Variants in RALGPS1 observed in about 807,000 individuals in gnomAD.
RALGPS1 encodes the protein Ral GEF with PH domain and SH3 binding motif 1.
Under a neutral mutation model 78.8 loss-of-function variants are expected in RALGPS1, and 19 were observed. The ratio of observed to expected loss-of-function variants is 0.24; its 90% confidence interval spans 0.17 to 0.35. RALGPS1 has a LOEUF of 0.35. Ranked by LOEUF, RALGPS1 falls within the 10% of genes least tolerant of loss-of-function variation. RALGPS1 has a pLI of 1.00. For synonymous variants in RALGPS1, 228 were observed against 256.3 expected, an observed-to-expected ratio of 0.89 and a Z score of 1.06; for missense variants, 454 against 688.3, an observed-to-expected ratio of 0.66 and a Z score of 3.81.
intron 8 of RALGPS1, among the ~76,000 whole-genome samples, chr9:127,123,727 A>G (rs1347305007): frequency 2.0e-5 from 3 of 152,160 alleles, no homozygotes; most frequent in Non-Finnish European, 2.9e-5. Flanking sequence ...ACTGGACCCC[A>G]TGATGCAAGC....
At chr9:127,031,281 C>T (rs2046412283) in intron 4 of RALGPS1, among the ~76,000 whole-genome samples, 1 of 152,214 alleles carries the variant, frequency 6.6e-6, no homozygotes, top group African/African-American at 2.4e-5. Context: ...TCACATTTTC[C>T]TAAACCCACT....
At chr9:126,936,982 C>T (rs1450511079) in intron 1 of RALGPS1, among the ~76,000 whole-genome samples, 2 of 152,052 alleles carry the variant, frequency 1.3e-5, no homozygotes, top group South Asian at 2.1e-4. Flanking sequence ...TCCCGAGTAG[C>T]TGGGATTACA....
intron 7 of RALGPS1, among the ~76,000 whole-genome samples, chr9:127,066,109 A>G (rs907765127): frequency 6.6e-6 from 1 of 152,190 alleles, no homozygotes; most frequent in Non-Finnish European, 1.5e-5. Flanking sequence ...CCATACAGGC[A>G]CTTGACAGGC....
At chr9:126,994,076 G>A (rs190861580) in intron 4 of RALGPS1, among the ~76,000 whole-genome samples, 3,519 of 151,582 alleles carry the variant, frequency 0.023, 139 homozygotes, top group African/African-American at 0.082. Context: ...ACAAAGATGG[G>A]AAAAAAAACA....
intron 8 of RALGPS1, among the ~76,000 whole-genome samples, chr9:127,143,457 A>G (rs762572350): frequency 3.3e-5 from 5 of 152,160 alleles, no homozygotes; most frequent in Non-Finnish European, 7.3e-5. Context: ...TGCTCTGCCC[A>G]GAGCTCCTAT....
Position 127,018,656 on chromosome 9 carries a change from A to G in RALGPS1, c.217-15775A>G, listed in dbSNP as rs539029922. On this transcript the variant is annotated intron_variant, in intron 4 of 18. Transcript: ENST00000259351. ...AAAAAATAATAATGATGATAATAAT[A>G]ATAATAATAATAATAATAATAATAA... Among the ~76,000 whole-genome samples the G allele has an allele frequency of 7.2e-3, 1,079 of 149,754 alleles. 29 individuals are homozygous for G. The East Asian group carries it at 0.082, about 11-fold the overall frequency.
chr9:127,196,048 C>T (rs112630980), intron 12 of RALGPS1, among the ~76,000 whole-genome samples: 20 of 152,192 alleles, frequency 1.3e-4, no homozygotes, highest in Admixed American at 3.3e-4. Flanking sequence ...ATTTTGAGAA[C>T]GAGTCTAATG....
At chr9:127,121,391 G>T (rs932211635) in intron 8 of RALGPS1, among the ~76,000 whole-genome samples, 5 of 152,208 alleles carry the variant, frequency 3.3e-5, no homozygotes, top group Non-Finnish European at 7.3e-5. Context: ...AATACATGTG[G>T]GGAGCATTTG....
intron 8 of RALGPS1, among the ~76,000 whole-genome samples, chr9:127,121,854 G>A (rs940906553): frequency 2.0e-5 from 3 of 152,206 alleles, no homozygotes; most frequent in African/African-American, 7.2e-5. Flanking sequence ...CCTCAGCACA[G>A]CGCTTGCCTT....
At chr9:126,965,788 G>A (rs2039429180) in intron 2 of RALGPS1, 56 bp from the exon 3 acceptor site, 1 of 1,344,516 alleles carries the variant, frequency 7.4e-7, no homozygotes, top group South Asian at 1.2e-5. Context: ...GGTTTGGGAG[G>A]CAATGATTCC....
intron 3 of RALGPS1, among the ~76,000 whole-genome samples, chr9:126,968,342 C>T (rs1019083673): frequency 6.6e-6 from 1 of 152,262 alleles, no homozygotes; most frequent in Non-Finnish European, 1.5e-5. Context: ...TGAGTCATAT[C>T]ATTTGCTCCC....
chr9:127,108,072 G>C (rs1334784149), intron 8 of RALGPS1: 1 of 1,611,518 alleles, frequency 6.2e-7, no homozygotes, highest in African/African-American at 1.3e-5. Context: ...CCCGGGGCGG[G>C]GCAGCGGGGG....
At chr9:127,023,110 C>A (rs2134236612) in intron 4 of RALGPS1, among the ~76,000 whole-genome samples, 1 of 152,282 alleles carries the variant, frequency 6.6e-6, no homozygotes, top group East Asian at 1.9e-4. Flanking sequence ...CCATCATCAT[C>A]ATCATCATCA....
At chr9:127,089,250 C>G (rs557365776) in intron 8 of RALGPS1, 3 of 1,165,276 alleles carry the variant, frequency 2.6e-6, no homozygotes, top group Admixed American at 1.9e-5. Flanking sequence ...GGAGCAAGAA[C>G]GCTTGAAAGG....
chr9:127,139,662 C>T (rs1400473932), intron 8 of RALGPS1, among the ~76,000 whole-genome samples: 1 of 152,236 alleles, frequency 6.6e-6, no homozygotes, highest in East Asian at 1.9e-4. Flanking sequence ...GGCCTGGGCC[C>T]TCATCCCAGT....
chr9:126,977,985 G>A, intron 4 of RALGPS1: 1 of 375,220 alleles, frequency 2.7e-6, no homozygotes, highest in Middle Eastern at 5.8e-4. Flanking sequence ...GTACCCACAG[G>A]ACTCCACGCC....
At chr9:127,120,988 C>T (rs995843236) in intron 8 of RALGPS1, among the ~76,000 whole-genome samples, 3 of 152,134 alleles carry the variant, frequency 2.0e-5, no homozygotes, top group Non-Finnish European at 4.4e-5. Flanking sequence ...CTAGCTTTCT[C>T]CTAGAAAGCA....
intron 4 of RALGPS1, among the ~76,000 whole-genome samples, chr9:126,990,622 C>T (rs1291382386): frequency 1.3e-5 from 2 of 152,366 alleles, no homozygotes; most frequent in East Asian, 3.9e-4. Flanking sequence ...ATGCTCTGCT[C>T]TGCCTCCGGG....
chr9:127,132,888 A>G (rs1357294230), intron 8 of RALGPS1, among the ~76,000 whole-genome samples: 4 of 152,214 alleles, frequency 2.6e-5, no homozygotes, highest in Non-Finnish European at 4.4e-5. Flanking sequence ...TCACCCTGCC[A>G]GGAAGGCCAG....
Sources: gnomAD v4.1 joint callset for allele counts (sites outside exome capture counted in the v4.1 genomes callset) on GRCh38, gnomAD v4.1.1 for gene constraint, MANE v1.5 for transcripts, NCBI Gene and HGNC (gene_info 2026-07-23, HGNC 2026-07-21) for gene names.